Variants in DLG5 observed in about 807,000 individuals in gnomAD.
The protein encoded by DLG5 is disks large homolog 5.
A neutral mutation model predicts 189.8 loss-of-function variants in DLG5; 48 were observed. That is an observed-to-expected ratio of 0.25 (90% CI 0.20 to 0.32). The LOEUF is 0.32. Ranked by LOEUF, DLG5 falls within the 10% of genes least tolerant of loss-of-function variation. The probability of loss-of-function intolerance (pLI) is 1.00; values close to 1 mark genes in which losing one functional copy is unlikely to be tolerated. For missense variants in DLG5, 2,160 were observed against 2,544.7 expected (o/e 0.85, Z 3.25); for synonymous variants, 1,016 against 1,054.1 (o/e 0.96, Z 0.70).
At chr10:77,816,940 A>G (rs1842085196) in intron 19 of DLG5, 67 bp downstream of exon 19, 1 of 1,524,378 alleles carries the variant, frequency 6.6e-7, no homozygotes, top group East Asian at 2.3e-5. Context: ...CTAAGCCCAG[A>G]GACTCCACCA....
intron 3 of DLG5, among the ~76,000 whole-genome samples, 157 bp downstream of exon 3, chr10:77,856,573 T>C (rs536134871): frequency 1.3e-5 from 2 of 152,148 alleles, no homozygotes; most frequent in African/African-American, 2.4e-5. Context: ...GTCCTGCCCC[T>C]GGGAAGCATT....
At chr10:77,849,577 G>A (rs771781891) in intron 5 of DLG5, among the ~76,000 whole-genome samples, 12 of 152,224 alleles carry the variant, frequency 7.9e-5, no homozygotes, top group Non-Finnish European at 1.8e-4. Context: ...AGAGGCACTG[G>A]TCCAGCTGAA....
intron 25 of DLG5, among the ~76,000 whole-genome samples, 167 bp from the exon 26 acceptor site, chr10:77,807,095 T>C (rs1472116484): frequency 6.6e-6 from 1 of 152,096 alleles, no homozygotes; most frequent in East Asian, 1.9e-4. Context: ...GAGCCCTGTG[T>C]TTTACATAAA....
upstream of DLG5, among the ~76,000 whole-genome samples, chr10:77,931,634 C>A (rs540722345): frequency 6.6e-6 from 1 of 152,074 alleles, no homozygotes; most frequent in East Asian, 1.9e-4. Context: ...TCCTTCACAC[C>A]TCCTCTACTG....
rs749866135 is a variant in DLG5, at chr10:77,821,477, G to A, written c.3007C>T (p.Pro1003Ser). Residue 1003 changes from proline (P) to serine (S), a missense_variant, in exon 15 of 32, where the codon CCC (proline) becomes TCC (serine). Physicochemically the swap from Pro to Ser is moderately conservative, Grantham distance 74. Coordinates refer to ENST00000372391, the MANE Select transcript of DLG5 (RefSeq NM_004747.4). Reference sequence around the variant, plus strand: ...GTCAGAGGCCCCGCCCTCTTGGAGGGCTGGGGAGAGTGAGCAGGCCCAGGA... The same window carrying A: ...GTCAGAGGCCCCGCCCTCTTGGAGGACTGGGGAGAGTGAGCAGGCCCAGGA... ...PGPGPAHSPQ[P>S]SKRAGPLTPP... 1.2e-6 allele frequency: 2 copies of A among 1,612,932 alleles called. No individual in the cohort carries two copies. The highest frequency in any genetic ancestry group is 1.1e-5 in the South Asian group (1 of 91,084).
chr10:77,814,464 TATATATATATATATATATATATATA>T (rs1841944338), intron 20 of DLG5, among the ~76,000 whole-genome samples: 6 of 30,092 alleles, frequency 2.0e-4, no homozygotes, highest in African/African-American at 4.0e-4. Flanking sequence ...AGCATGTTTA[TATATATATATATATATATATATATA>T]TATATATATA....
intron 1 of DLG5, among the ~76,000 whole-genome samples, chr10:77,885,539 TCAAAGTGTGCCAGCCCC>T (rs1845411922): frequency 6.6e-6 from 1 of 152,132 alleles, no homozygotes; most frequent in Non-Finnish European, 1.5e-5. Context: ...GCAAATGGAA[TCAAAGTGTGCCAGCCCC>T]CAAAGATTCC....
intron 1 of DLG5, among the ~76,000 whole-genome samples, chr10:77,892,413 C>T (rs751762413): frequency 1.3e-4 from 20 of 152,186 alleles, no homozygotes; most frequent in Non-Finnish European, 2.2e-4. Flanking sequence ...CTTGGGAGCA[C>T]TTTCATCATA....
intron 5 of DLG5, among the ~76,000 whole-genome samples, chr10:77,849,068 G>C (rs948330853): frequency 6.6e-6 from 1 of 152,214 alleles, no homozygotes; most frequent in African/African-American, 2.4e-5. Context: ...GGGGATGCCA[G>C]GCAGAGGCCC....
chr10:77,870,248 T>C (rs1203256548), intron 1 of DLG5, among the ~76,000 whole-genome samples: 2 of 152,172 alleles, frequency 1.3e-5, no homozygotes, highest in African/African-American at 2.4e-5. Context: ...AAGAGCGGTA[T>C]GTACCAGGCC....
intron 2 of DLG5, among the ~76,000 whole-genome samples, chr10:77,862,207 C>T (rs1844498798): frequency 6.6e-6 from 1 of 152,168 alleles, no homozygotes; most frequent in Admixed American, 6.5e-5. Flanking sequence ...AATTCTACAG[C>T]AAAGGAGCTC....
intron 1 of DLG5, among the ~76,000 whole-genome samples, chr10:77,894,257 T>A (rs1472970899): frequency 6.6e-6 from 1 of 152,174 alleles, no homozygotes; most frequent in African/African-American, 2.4e-5. Context: ...ACCCACTGAC[T>A]AGCTGTGTGA....
In DLG5 at chr10:77,795,936, C is replaced by T. The variant is rs1840895665; in HGVS notation, c.5436+125G>A. ...CCAGGCACAGGTGAACTCAGACTAA[C>T]ACAACACGGTGGGCTCACTGAAGGT... On this transcript the variant is annotated intron_variant, in intron 29 of 31. Transcript: ENST00000372391. 7 of 1,422,928 alleles carry T rather than the reference C, an allele frequency of 4.9e-6. No individual in the cohort carries two copies. In the South Asian group the frequency reaches 5.0e-5, roughly 10 times the overall value. The allele number at this position is 1,422,928 out of a possible 1,614,324, so 88.1% of individuals were successfully genotyped here.
intron 1 of DLG5, among the ~76,000 whole-genome samples, chr10:77,921,156 A>G (rs1353468589): frequency 6.6e-6 from 1 of 152,180 alleles, no homozygotes; most frequent in Non-Finnish European, 1.5e-5. Flanking sequence ...GGCTGCAGTG[A>G]GCTATGATTG....
chr10:77,805,775 C>T lies in DLG5; in HGVS notation c.5054G>A (p.Arg1685His), dbSNP rs774554661. The T allele has an allele frequency of 6.8e-6, 11 of 1,614,180 alleles. No individual in the cohort carries two copies. Among genetic ancestry groups the T allele is most frequent in the Middle Eastern group, 1.7e-4 (1 of 6,060 alleles). The change falls in exon 27 of 32, where the codon CGC (arginine) becomes CAC (histidine). Residue 1685 changes from arginine to histidine, a missense_variant. By Grantham distance (29) the Arg-to-His change is conservative. Around this residue, in one of 5 missense-constraint regions of DLG5, gnomAD observed 574 missense variants for 644.2 expected, o/e 0.89. Coordinates refer to ENST00000372391, the MANE Select transcript of DLG5 (RefSeq NM_004747.4). ...SATKTLSAAARRSFFRRKHKH... is the reference protein window; with the variant it reads ...SATKTLSAAAHRSFFRRKHKH... ...GTGTTTCCTCCGAAAAAAGGACCGG[C>T]GTGCAGCCGCTGACAGCGTCTTTGT... is the stretch of plus-strand genomic sequence containing the variant.
At chr10:77,911,570 G>C (rs1846221954) in intron 1 of DLG5, among the ~76,000 whole-genome samples, 1 of 152,186 alleles carries the variant, frequency 6.6e-6, no homozygotes, top group South Asian at 2.1e-4. Flanking sequence ...AATATGTGCA[G>C]ATTTAATTTG....
intron 1 of DLG5, among the ~76,000 whole-genome samples, chr10:77,923,682 C>G (rs1312065804): frequency 6.6e-6 from 1 of 152,120 alleles, no homozygotes; most frequent in Non-Finnish European, 1.5e-5. Context: ...GGCTTGAGAC[C>G]AGGAGGCGGA....
intron 7 of DLG5, 94 bp downstream of exon 7, chr10:77,841,787 G>T: frequency 7.0e-7 from 1 of 1,424,420 alleles, no homozygotes; most frequent in Non-Finnish European, 9.5e-7. Context: ...TCCAACTCAG[G>T]AGGCTTCTAA....
intron 27 of DLG5, among the ~76,000 whole-genome samples, chr10:77,801,051 G>A (rs566551975): frequency 6.2e-4 from 95 of 152,286 alleles, no homozygotes; most frequent in Admixed American, 1.5e-3. Flanking sequence ...ACATCACTCG[G>A]AGCCCTGAAA....
Sources: allele counts gnomAD v4.1 joint callset (sites outside exome capture counted in the v4.1 genomes callset), GRCh38; gene constraint gnomAD v4.1.1; regional missense constraint gnomAD v4.1.1; transcripts MANE v1.5; gene names NCBI Gene and HGNC (gene_info 2026-07-23, HGNC 2026-07-21).